The following ATAD2 variants were observed in gnomAD, a reference collection of about 807,000 sequenced individuals.
ATAD2 encodes ATPase family AAA domain-containing protein 2.
Under a neutral mutation model 168.9 loss-of-function variants are expected in ATAD2, and 62 were observed. The ratio of observed to expected loss-of-function variants is 0.37; its 90% CI spans 0.30 to 0.45. The LOEUF (loss-of-function observed/expected upper bound fraction) is 0.45. Among genes scored for constraint, ATAD2 ranks in the 20% least tolerant of loss-of-function variants. The pLI is 1.00. For synonymous variants in ATAD2, 613 were observed against 571.6 expected, an observed-to-expected ratio of 1.07 and a Z score of -1.03; for missense variants, 1,419 against 1,667.8, an observed-to-expected ratio of 0.85 and a Z score of 2.60.
chr8:123,347,493 A>C (rs778769778), intron 15 of ATAD2, 87 bp from the exon 16 acceptor site: 136 of 1,304,046 alleles, frequency 1.0e-4, no homozygotes, highest in Non-Finnish European at 1.4e-4. Context: ...GGTTAAAAAA[A>C]AAATTAAAAA....
At chr8:123,381,831 A>G (rs1459858014) in intron 1 of ATAD2, among the ~76,000 whole-genome samples, 5 of 152,218 alleles carry the variant, frequency 3.3e-5, no homozygotes, top group Non-Finnish European at 2.9e-5. Flanking sequence ...ACTTGAGGTC[A>G]GGAGCTTGAG....
chr8:123,343,452 C>T (rs564768211), intron 19 of ATAD2, among the ~76,000 whole-genome samples: 3 of 152,304 alleles, frequency 2.0e-5, no homozygotes, highest in East Asian at 1.9e-4. Context: ...TAAGGATACA[C>T]GTTTTTGTGT....
At chr8:123,330,849 A>C (rs1185730527) in intron 24 of ATAD2, among the ~76,000 whole-genome samples, 1 of 152,254 alleles carries the variant, frequency 6.6e-6, no homozygotes, top group Non-Finnish European at 1.5e-5. Flanking sequence ...ATATCAGACA[A>C]AAGGTATTTC....
intron 1 of ATAD2, chr8:123,401,464 A>G: frequency 6.6e-7 from 1 of 1,521,128 alleles, no homozygotes; most frequent in South Asian, 1.1e-5. Flanking sequence ...TCCCACCTCC[A>G]GGTGATTGGG....
chr8:123,330,431 C>T (rs577230817), intron 24 of ATAD2, among the ~76,000 whole-genome samples: 8 of 152,272 alleles, frequency 5.3e-5, no homozygotes, highest in Admixed American at 3.3e-4. Flanking sequence ...GTCACCCAGG[C>T]TCGGCTCACT....
At chr8:123,391,730 T>C (rs538442647) in intron 1 of ATAD2, among the ~76,000 whole-genome samples, 1 of 152,266 alleles carries the variant, frequency 6.6e-6, no homozygotes, top group African/African-American at 2.4e-5. Context: ...ACCAAATGTA[T>C]TGAATGTAAA....
intron 24 of ATAD2, among the ~76,000 whole-genome samples, chr8:123,329,775 A>AAAAT (rs1554641633): frequency 7.7e-6 from 1 of 129,538 alleles, no homozygotes; most frequent in African/African-American, 3.0e-5. Flanking sequence ...AAAAAAAAAA[A>AAAAT]TTTTTCACTT....
intron 25 of ATAD2, 26 bp downstream of exon 25, chr8:123,328,164 A>C: frequency 7.4e-7 from 1 of 1,348,786 alleles, no homozygotes; most frequent in African/African-American, 1.5e-5. Flanking sequence ...AAAATCAGTA[A>C]ATTATTTTAA....
chr8:123,349,840 C>G (rs995289826), intron 13 of ATAD2, among the ~76,000 whole-genome samples: 1 of 151,056 alleles, frequency 6.6e-6, no homozygotes, highest in African/African-American at 2.4e-5. Flanking sequence ...AGTTTGAGAC[C>G]AGCCTGGGCA....
intron 1 of ATAD2, among the ~76,000 whole-genome samples, chr8:123,393,641 G>A (rs1586907652): frequency 6.6e-6 from 1 of 152,310 alleles, no homozygotes; most frequent in East Asian, 1.9e-4. Context: ...AGATGGTCAG[G>A]CGCGGTGGTT....
At chr8:123,359,437 T>G in intron 10 of ATAD2, 101 bp from the exon 11 acceptor site, 2 of 1,211,358 alleles carry the variant, frequency 1.7e-6, no homozygotes, top group South Asian at 2.6e-5. Flanking sequence ...ATCTTAATTG[T>G]GACCTGAAGA....
intron 24 of ATAD2, among the ~76,000 whole-genome samples, chr8:123,332,129 G>A (rs568211325): frequency 1.3e-5 from 2 of 152,186 alleles, no homozygotes; most frequent in African/African-American, 4.8e-5. Context: ...CATATTGTAT[G>A]CATCTGTGAC....
At chr8:123,412,383 G>A (rs1238950556) in intron 1 of ATAD2, among the ~76,000 whole-genome samples, 2 of 152,128 alleles carry the variant, frequency 1.3e-5, no homozygotes, top group East Asian at 3.8e-4. Flanking sequence ...CCTGCTCAGA[G>A]CTATGTGATA....
upstream of ATAD2, among the ~76,000 whole-genome samples, chr8:123,397,239 T>TGAAA (rs1563869628): frequency 1.3e-4 from 10 of 79,598 alleles, no homozygotes; most frequent in East Asian, 6.0e-4. Context: ...AGACTCTGTC[T>TGAAA]CAAAAAAAAA....
chr8:123,369,807 T>A lies in ATAD2; in HGVS notation c.931+14A>T, dbSNP rs896762676. ...ATAATTACATCTCCTGGAAAGAGTA[T>A]GTATAGCACTTACTTTCCAATGGAG... On this transcript the variant is annotated intron_variant, in intron 7 of 27. Coordinates refer to ENST00000287394, the MANE Select transcript of ATAD2 (RefSeq NM_014109.4). The A allele has an allele frequency of 1.5e-5, 23 of 1,574,800 alleles. No homozygotes were observed. Among genetic ancestry groups the A allele is most frequent in the African/African-American group, 2.7e-5 (2 of 74,028 alleles).
At chr8:123,392,017 A>G (rs534766099) in intron 1 of ATAD2, among the ~76,000 whole-genome samples, 1 of 152,198 alleles carries the variant, frequency 6.6e-6, no homozygotes, top group Non-Finnish European at 1.5e-5. Context: ...AGCAGAGTGC[A>G]TTCTAATTGC....
At chr8:123,332,954 AT>A (rs1827812514) in intron 24 of ATAD2, among the ~76,000 whole-genome samples, 2 of 151,656 alleles carry the variant, frequency 1.3e-5, no homozygotes, top group Admixed American at 1.3e-4. Context: ...GCCTCCTCCC[AT>A]TTTTTCAAAA....
intron 1 of ATAD2, chr8:123,416,112 C>G (rs1813269934): frequency 6.6e-6 from 1 of 152,166 alleles, no homozygotes; most frequent in Non-Finnish European, 1.5e-5. Flanking sequence ...GGTGCTATCC[C>G]TTTCGGAAAG....
chr8:123,349,825 C>T (rs1828389918), intron 13 of ATAD2, among the ~76,000 whole-genome samples: 1 of 151,100 alleles, frequency 6.6e-6, no homozygotes, highest in African/African-American at 2.4e-5. Context: ...GTACTCGAGG[C>T]CAGGAGTTTG....
Sources: allele counts gnomAD v4.1 joint callset (sites outside exome capture counted in the v4.1 genomes callset), GRCh38; gene constraint gnomAD v4.1.1; transcripts MANE v1.5; gene names NCBI Gene and HGNC (gene_info 2026-07-23, HGNC 2026-07-21).